Variants in CHN2 observed in about 807,000 individuals in gnomAD.
CHN2 encodes the protein chimerin 2.
In CHN2, 35 loss-of-function variants were observed where a neutral mutation model predicts 56.3. The observed-to-expected ratio is 0.62, with a 90% confidence interval of 0.47 to 0.82. The LOEUF is 0.82. Among genes scored for constraint, CHN2 ranks in the 40% least tolerant of loss-of-function variants. The pLI, the probability that CHN2 is intolerant of heterozygous loss-of-function variation, is 0.00. For synonymous variants in CHN2, 210 were observed against 212.8 expected (o/e 0.99, Z 0.12); for missense variants, 491 against 580.5 (o/e 0.85, Z 1.58).
chr7:29,421,039 C>G (rs570649049), intron 6 of CHN2, among the ~76,000 whole-genome samples: 6 of 152,210 alleles, frequency 3.9e-5, no homozygotes, highest in African/African-American at 1.2e-4. Flanking sequence ...GTGATCCACC[C>G]GGCTCAGCCT....
intron 2 of CHN2, among the ~76,000 whole-genome samples, chr7:29,184,151 TGATAGATAGATAGATAGATAGATA>T (rs56102038): frequency 1.4e-5 from 2 of 143,322 alleles, no homozygotes; most frequent in Admixed American, 7.2e-5. Flanking sequence ...TACAGATAGA[TGATAGATAGATAGATAGATAGATA>T]GATAGATAGA....
intron 1 of CHN2, among the ~76,000 whole-genome samples, chr7:29,268,830 G>C (rs530260280): frequency 6.6e-6 from 1 of 152,370 alleles, no homozygotes; most frequent in African/African-American, 2.4e-5. Flanking sequence ...TGATGGGTAA[G>C]AGGAAACACC....
At chr7:29,269,973 T>A (rs1274157374) in intron 1 of CHN2, among the ~76,000 whole-genome samples, 1 of 152,232 alleles carries the variant, frequency 6.6e-6, no homozygotes, top group East Asian at 1.9e-4. Flanking sequence ...GAGAAATTAA[T>A]GTAAGTGCTT....
At chr7:29,490,806 A>G (rs1788584379) in intron 7 of CHN2, among the ~76,000 whole-genome samples, 1 of 152,180 alleles carries the variant, frequency 6.6e-6, no homozygotes, top group Non-Finnish European at 1.5e-5. Context: ...TATGGTATGT[A>G]TGGTATCAGT....
intron 2 of CHN2, among the ~76,000 whole-genome samples, chr7:29,148,938 A>G (rs245885): frequency 0.54 from 82,513 of 151,688 alleles, 22,936 homozygotes; most frequent in African/African-American, 0.66. Context: ...ACTTGAAGCT[A>G]GACATTAAAA....
intron 1 of CHN2, among the ~76,000 whole-genome samples, chr7:29,198,476 C>G (rs759091580): frequency 8.5e-5 from 13 of 152,094 alleles, no homozygotes; most frequent in Non-Finnish European, 1.6e-4. Context: ...TTTCTGAGAA[C>G]TCTTCATGAA....
Position 29,319,765 on chromosome 7 carries a change from T to C in CHN2, c.50-34860T>C, listed in dbSNP as rs39755. ...GCTGTCTGTTCACAATATTGCAGTG[T>C]TGGGATTTTCTTACAGGGCCGTGGC... On this transcript the variant is annotated intron_variant, in intron 1 of 12. Coordinates refer to ENST00000222792, the MANE Select transcript of CHN2 (RefSeq NM_004067.4). 3.3e-3 allele frequency among the ~76,000 whole-genome samples: 508 copies of C among 152,246 alleles called. 1 individual carries two copies. Among genetic ancestry groups the C allele is most frequent in the Non-Finnish European group, 5.3e-3 (360 of 68,022 alleles).
intron 6 of CHN2, among the ~76,000 whole-genome samples, chr7:29,466,650 A>G (rs75328082): frequency 0.024 from 3,665 of 152,298 alleles, 147 homozygotes; most frequent in African/African-American, 0.08. Context: ...TTCATTTCCA[A>G]TAAAGTTACT....
chr7:29,334,377 T>C (rs998790391), intron 1 of CHN2: 1 of 152,086 alleles, frequency 6.6e-6, no homozygotes, highest in Non-Finnish European at 1.5e-5. Context: ...GTGTAGAAAA[T>C]GTTGGCATAT....
chr7:29,354,614 TTTC>T lies in CHN2; in HGVS notation c.50-10_50-8del, dbSNP rs755312351. ...GCTGATGATGGATTTCTTTTTTTTT[TTTC>T]ATTCTAGATGCTGAAGAATACCAGC... On this transcript the variant is annotated splice_region_variant and splice_polypyrimidine_tract_variant and intron_variant, in intron 1 of 12. Transcript: ENST00000222792. 8.1e-6 allele frequency: 13 copies of T among 1,606,342 alleles called. No homozygotes were observed. Among genetic ancestry groups the T allele is most frequent in the South Asian group, 3.3e-5 (3 of 90,670 alleles).
At chr7:29,150,036 T>C (rs1177084021) in intron 2 of CHN2, among the ~76,000 whole-genome samples, 1 of 152,212 alleles carries the variant, frequency 6.6e-6, no homozygotes, top group Admixed American at 6.5e-5. Flanking sequence ...AACAAATCGG[T>C]TTGCAAAGAG....
intron 1 of CHN2, among the ~76,000 whole-genome samples, chr7:29,331,306 T>A (rs1796193171): frequency 6.6e-6 from 1 of 152,168 alleles, no homozygotes; most frequent in East Asian, 1.9e-4. Context: ...CTGAAGCATC[T>A]GGGAGTGGCC....
intron 1 of CHN2, among the ~76,000 whole-genome samples, chr7:29,350,889 C>T (rs1797826543): frequency 1.3e-5 from 2 of 152,100 alleles, no homozygotes; most frequent in African/African-American, 4.8e-5. Flanking sequence ...GTGGGTGAAT[C>T]ACGAGGTCAG....
intron 6 of CHN2, among the ~76,000 whole-genome samples, chr7:29,447,031 G>A (rs1784080465): frequency 6.6e-6 from 1 of 152,138 alleles, no homozygotes; most frequent in African/African-American, 2.4e-5. Flanking sequence ...CGAAGTTGAA[G>A]AACATTTATG....
chr7:29,276,194 G>A (rs1466202806), intron 1 of CHN2, among the ~76,000 whole-genome samples: 1 of 151,982 alleles, frequency 6.6e-6, no homozygotes, highest in East Asian at 1.9e-4. Context: ...CACCTGAGTA[G>A]GACAGTGTAA....
At chr7:29,396,323 G>T (rs1389984699) in intron 4 of CHN2, among the ~76,000 whole-genome samples, 1 of 151,918 alleles carries the variant, frequency 6.6e-6, no homozygotes, top group East Asian at 1.9e-4. Context: ...CGGGCATGGT[G>T]GGGTGTGCCT....
At chr7:29,298,595 A>G (rs774317172) in intron 1 of CHN2, among the ~76,000 whole-genome samples, 81 of 152,030 alleles carry the variant, frequency 5.3e-4, no homozygotes, top group Non-Finnish European at 9.0e-4. Context: ...CAAAAAGGAA[A>G]CCTCCGAGTA....
intron 7 of CHN2, among the ~76,000 whole-genome samples, chr7:29,489,671 C>G (rs1006041754): frequency 1.3e-5 from 2 of 152,158 alleles, no homozygotes; most frequent in African/African-American, 4.8e-5. Flanking sequence ...CATCCTTGCT[C>G]TATTCTCATT....
chr7:29,270,310 TG>T (rs1790511360), intron 1 of CHN2, among the ~76,000 whole-genome samples: 2 of 152,110 alleles, frequency 1.3e-5, no homozygotes, highest in South Asian at 4.1e-4. Flanking sequence ...CCCTTTAGGC[TG>T]CATTTTAAAT....
Sources: gnomAD v4.1 joint callset for allele counts (sites outside exome capture counted in the v4.1 genomes callset) on GRCh38, gnomAD v4.1.1 for gene constraint, MANE v1.5 for transcripts, NCBI Gene and HGNC (gene_info 2026-07-23, HGNC 2026-07-21) for gene names.